Variants in P2RX7 observed in about 807,000 individuals in gnomAD.
P2RX7 encodes P2X purinoceptor 7.
A neutral mutation model predicts 71.6 loss-of-function variants in P2RX7; 62 were observed. The observed-to-expected ratio is 0.87, with a 90% CI of 0.71 to 1.07. The LOEUF is 1.07. Among genes scored for constraint, P2RX7 ranks in the 50% least tolerant of loss-of-function variants. The pLI, the probability that P2RX7 is intolerant of heterozygous loss-of-function variation, is 0.00. For missense variants in P2RX7, 686 were observed against 748.5 expected (o/e 0.92, Z 0.97); for synonymous variants, 299 against 283.3 (o/e 1.06, Z -0.56).
chr12:121,148,993 G>T (rs1181301913), intron 1 of P2RX7: 3 of 502,074 alleles, frequency 6.0e-6, no homozygotes, highest in Middle Eastern at 5.0e-4. Flanking sequence ...TTACCTTTGC[G>T]CTGGAAGCCC....
Position 121,133,104 on chromosome 12 carries a change from G to A in P2RX7, c.125+9G>A. On this transcript the variant is annotated intron_variant, in intron 1 of 12. Transcript: ENST00000328963. ...ATCTTTTCCTACGTTTGGTAAGTGG[G>A]ATCTGGGGAGGACCCAGATCTCTGC... The A allele has an allele frequency of 6.2e-7, 1 of 1,614,082 alleles. No homozygotes were observed. The highest frequency in any genetic ancestry group is 8.5e-7 in the Non-Finnish European group (1 of 1,179,984).
At chr12:121,181,796 G>A (rs887397614) in intron 12 of P2RX7, among the ~76,000 whole-genome samples, 3 of 152,276 alleles carry the variant, frequency 2.0e-5, no homozygotes, top group South Asian at 2.1e-4. Flanking sequence ...GGCAGAGCTT[G>A]CAGTGAGCCA....
At position 121,177,172 on chromosome 12, in the gene P2RX7, TG is replaced by T. The variant is rs765252539; in HGVS notation, c.1000del (p.Val334LeufsTer65). On this transcript the variant is annotated frameshift_variant, in exon 10 of 13. Coordinates refer to ENST00000328963, the MANE Select transcript of P2RX7 (RefSeq NM_002562.6). LOFTEE classifies it high-confidence loss of function. Reference sequence around the variant, plus strand: ...GGAGGAAAATTTGACATTATCCAGCTGGTTGTGTACATCGGCTCAACCCTCT... The same window carrying T: ...GGAGGAAAATTTGACATTATCCAGCTGTTGTGTACATCGGCTCAACCCTCT... ...GTGGKFDIIQ[L>X]VVYIGSTLSY... 9.3e-6 allele frequency: 15 copies of T among 1,614,104 alleles called. No individual in the cohort carries two copies. Among genetic ancestry groups the T allele is most frequent in the Non-Finnish European group, 1.3e-5 (15 of 1,180,034 alleles).
At position 121,177,393 on chromosome 12, in the gene P2RX7, GT is replaced by G; in HGVS notation, c.1136del (p.Val379AlafsTer20). ...GTGCAAGTGCTGTCAGCCCTGTGTG[GT>G]CAACGAATACTACTACAGGAAGAAG... ...PWCKCCQPCV[V>X]NEYYYRKKCE... On this transcript the variant is annotated frameshift_variant, in exon 11 of 13. Transcript: ENST00000328963. LOFTEE classifies it high-confidence loss of function. 6.2e-7 allele frequency: 1 copy of G among 1,613,868 alleles called. No individual in the cohort carries two copies. Among genetic ancestry groups the G allele is most frequent in the South Asian group, 1.1e-5 (1 of 91,060 alleles).
At position 121,154,128 on chromosome 12, in the gene P2RX7, TA is replaced by T. The variant is rs202202448; in HGVS notation, c.126-647del. On this transcript the variant is annotated intron_variant, in intron 1 of 12. Transcript: ENST00000328963. This position sits in a 1 kb window ranked among gnomAD's most constrained non-coding sequence, Gnocchi z 4.2. Reference sequence around the variant, plus strand: ...ACAGAGCAAGGCCCTTTCTCTGGAATAAAAAAAAAAGAGAGGCTGGGCGCAG... The same window carrying T: ...ACAGAGCAAGGCCCTTTCTCTGGAATAAAAAAAAAGAGAGGCTGGGCGCAG... Among the ~76,000 whole-genome samples, 9 of 142,408 alleles carry T rather than the reference TA, an allele frequency of 6.3e-5. No individual in the cohort carries two copies. The highest frequency in any genetic ancestry group is 2.2e-4 in the South Asian group (1 of 4,504). 93.4% of individuals were successfully genotyped at this position (142,408 alleles called of 152,430 possible). A position where few individuals can be genotyped will look rare whatever the true frequency, so the allele number is the denominator to read the frequency against.
chr12:121,148,704 G>A (rs546926058), intron 1 of P2RX7, among the ~76,000 whole-genome samples: 13 of 152,270 alleles, frequency 8.5e-5, no homozygotes, highest in African/African-American at 3.1e-4. Context: ...TGGGGGTGCT[G>A]GCTCTCCCCC....
At position 121,184,578 on chromosome 12, in the gene P2RX7, G is replaced by A. The variant is rs34219304; in HGVS notation, c.1564G>A (p.Val522Ile). The change falls in exon 13 of 13, where the codon GTC becomes ATC. Residue 522 changes from valine (V) to isoleucine (I), a missense_variant. Physicochemically the swap from Val to Ile is conservative, Grantham distance 29. Transcript: ENST00000328963. ...CAGGAAGCTGGTCCTGTCCAGACACGTCCTGCAGTTCCTCCTGCTCTACCA... is the reference window on the plus strand; with the variant it reads ...CAGGAAGCTGGTCCTGTCCAGACACATCCTGCAGTTCCTCCTGCTCTACCA... ...LFRKLVLSRH[V>I]LQFLLLYQEP... 3,581 of 1,614,100 alleles carry A rather than the reference G, an allele frequency of 2.2e-3. 37 individuals carry two copies. The African/African-American group carries it at 0.031, about 14-fold the overall frequency.
Position 121,149,134 on chromosome 12 carries a change from C to T in P2RX7, c.126-5651C>T, listed in dbSNP as rs2136020448. The stretch of plus-strand genomic sequence containing the variant: ...CCAGTGTAAGTCTGTGACAGTCACT[C>T]ATATTCAGAGCATGTGGATTGAGAC... On this transcript the variant is annotated intron_variant, in intron 1 of 12. Transcript: ENST00000328963. This position sits in a 1 kb window ranked among gnomAD's most constrained non-coding sequence, Gnocchi z 4.7. The T allele has an allele frequency of 5.8e-6, 3 of 518,082 alleles. No homozygotes were observed. The highest frequency in any genetic ancestry group is 3.1e-5 in the South Asian group (2 of 64,440). The allele number at this position is 518,082 out of a possible 1,614,324, so 32.1% of individuals were successfully genotyped here. A position where few individuals can be genotyped will look rare whatever the true frequency, so the allele number is the denominator to read the frequency against.
intron 1 of P2RX7, among the ~76,000 whole-genome samples, chr12:121,134,432 C>G (rs1565932126): frequency 6.6e-6 from 1 of 152,130 alleles, no homozygotes; most frequent in African/African-American, 2.4e-5. Flanking sequence ...TGCTCTGTTG[C>G]CCAGGCTGGA....
chr12:121,153,342 CTAAA>C (rs1813021534), intron 1 of P2RX7, among the ~76,000 whole-genome samples: 1 of 152,270 alleles, frequency 6.6e-6, no homozygotes, highest in African/African-American at 2.4e-5. Flanking sequence ...ATAGAAGGGA[CTAAA>C]TAAATAAAGT....
intron 1 of P2RX7, among the ~76,000 whole-genome samples, chr12:121,139,733 CTTTTTTT>C (rs10696338): frequency 7.9e-6 from 1 of 126,766 alleles, no homozygotes; most frequent in Non-Finnish European, 1.6e-5. Context: ...CCCTGACCAT[CTTTTTTT>C]TTTTTTTTTT....
Position 121,139,892 on chromosome 12 carries a change from C to A in P2RX7, c.125+6797C>A, listed in dbSNP as rs1592998650. The stretch of plus-strand genomic sequence containing the variant: ...GACTACAGGCATGCACCACTACACC[C>A]AGATAATGTCTGTATTTTTAGTAGA... On this transcript the variant is annotated intron_variant, in intron 1 of 12. Transcript: ENST00000328963. Among the ~76,000 whole-genome samples the A allele has an allele frequency of 5.9e-5, 9 of 152,222 alleles. No individual in the cohort carries two copies. The South Asian group carries it at 1.9e-3, about 32-fold the overall frequency.
At position 121,184,522 on chromosome 12, in the gene P2RX7, C is replaced by G. The variant is rs775335523; in HGVS notation, c.1508C>G (p.Pro503Arg). The G allele has an allele frequency of 8.7e-6, 14 of 1,614,194 alleles. No individual in the cohort carries two copies. The highest frequency in any genetic ancestry group is 2.2e-5 in the East Asian group (1 of 44,884). ...CLEELCCRKKPGACITTSELF... is the reference protein window; with the variant it reads ...CLEELCCRKKRGACITTSELF... The stretch of plus-strand genomic sequence containing the variant: ...GAGGAGCTGTGCTGCCGGAAAAAGC[C>G]GGGGGCCTGCATCACCACCTCAGAG... The change falls in exon 13 of 13, where the codon CCG becomes CGG. Residue 503 changes from proline to arginine, a missense_variant. Transcript: ENST00000328963.
In P2RX7 at chr12:121,186,173, C is replaced by T. The variant is rs547469731; in HGVS notation, c.*1371C>T. ...CCCCAGCTTTCAAGCCATCCAAGCC[C>T]AGTCACCAAACATGAGAGAGAAGAA... On this transcript the variant is annotated 3_prime_UTR_variant, in exon 13 of 13. Coordinates refer to ENST00000328963, the MANE Select transcript of P2RX7 (RefSeq NM_002562.6). 6.5e-6 allele frequency: 1 copy of T among 152,682 alleles called. No individual in the cohort carries two copies. Among genetic ancestry groups the T allele is most frequent in the African/African-American group, 2.4e-5 (1 of 41,450 alleles). The allele number at this position is 152,682 out of a possible 1,614,324, so 9.5% of individuals were successfully genotyped here. A position where few individuals can be genotyped will look rare whatever the true frequency, so the allele number is the denominator to read the frequency against.
intron 12 of P2RX7, among the ~76,000 whole-genome samples, chr12:121,182,136 G>C (rs1010007308): frequency 2.7e-5 from 4 of 148,540 alleles, no homozygotes; most frequent in Admixed American, 6.7e-5. Flanking sequence ...TCTGTTAGTT[G>C]AATTGTACTG....
At chr12:121,162,928 A>G (rs169634) in intron 5 of P2RX7, among the ~76,000 whole-genome samples, 2,965 of 152,060 alleles carry the variant, frequency 0.019, 106 homozygotes, top group African/African-American at 0.068. Context: ...CGAAGCGAGG[A>G]AAGAGAAGGG....
intron 1 of P2RX7, among the ~76,000 whole-genome samples, chr12:121,134,742 T>C (rs1256923489): frequency 6.6e-6 from 1 of 152,088 alleles, no homozygotes; most frequent in Non-Finnish European, 1.5e-5. Context: ...GAAGTGGTAG[T>C]TCATTGTGGT....
Position 121,149,197 on chromosome 12 carries a change from ATCT to A in P2RX7, c.126-5587_126-5585del. 2.5e-6 allele frequency: 1 copy of A among 398,052 alleles called. No individual in the cohort carries two copies. Among genetic ancestry groups the A allele is most frequent in the Non-Finnish European group, 5.0e-6 (1 of 200,658 alleles). 24.7% of individuals were successfully genotyped at this position (398,052 alleles called of 1,614,324 possible). A position where few individuals can be genotyped will look rare whatever the true frequency, so the allele number is the denominator to read the frequency against. On this transcript the variant is annotated intron_variant, in intron 1 of 12. Transcript: ENST00000328963. The surrounding 1 kb of genome is among the most constrained non-coding windows in gnomAD (Gnocchi z 4.7). ...CTTTATGGTGGGCACCTTCATCTCC[ATCT>A]GGTGGGTCCAGAGCAAGCAGCCTCA...
intron 1 of P2RX7, among the ~76,000 whole-genome samples, chr12:121,152,120 C>T (rs1877554526): frequency 6.6e-6 from 1 of 152,062 alleles, no homozygotes; most frequent in Admixed American, 6.6e-5. Flanking sequence ...GTTGGGATTA[C>T]AGGCGCACAC....
Sources: gnomAD v4.1 joint callset for allele counts (sites outside exome capture counted in the v4.1 genomes callset) on GRCh38, gnomAD v4.1.1 for gene constraint, Gnocchi (gnomAD v3.1) non-coding constraint, MANE v1.5 for transcripts, NCBI Gene and HGNC (gene_info 2026-07-23, HGNC 2026-07-21) for gene names.